SPPL3: variants seen among roughly 807,000 people sequenced by gnomAD.
The protein encoded by SPPL3 is signal peptide peptidase-like 3.
A neutral mutation model predicts 42.4 loss-of-function variants in SPPL3; 5 were observed. The observed-to-expected ratio is 0.12, with a 90% CI of 0.06 to 0.25. The LOEUF (loss-of-function observed/expected upper bound fraction) is 0.25, where lower values mean the gene tolerates loss of function less well. SPPL3 is among the 10% of genes least tolerant of loss of function. The pLI is 1.00. For synonymous variants in SPPL3, 195 were observed against 181.8 expected, an observed-to-expected ratio of 1.07 and a Z score of -0.58; for missense variants, 235 against 489.0, an observed-to-expected ratio of 0.48 and a Z score of 4.90.
chr12:120,881,534 T>C (rs1231872906), intron 1 of SPPL3, among the ~76,000 whole-genome samples: 1 of 139,870 alleles, frequency 7.1e-6, no homozygotes, highest in African/African-American at 2.7e-5. Context: ...CCATACGAGA[T>C]TGAGCAATCC....
intron 1 of SPPL3, among the ~76,000 whole-genome samples, chr12:120,855,937 T>C (rs949418042): frequency 6.6e-6 from 1 of 152,132 alleles, no homozygotes; most frequent in Non-Finnish European, 1.5e-5. Context: ...CTAAATGCAA[T>C]TCTGAAAAGG....
At chr12:120,865,269 C>T (rs1872724260) in intron 1 of SPPL3, among the ~76,000 whole-genome samples, 1 of 152,152 alleles carries the variant, frequency 6.6e-6, no homozygotes, top group Admixed American at 6.6e-5. Context: ...ATATCTGTTA[C>T]CTCACGCTCA....
At chr12:120,829,373 A>T (rs928141151) in intron 1 of SPPL3, among the ~76,000 whole-genome samples, 1 of 152,146 alleles carries the variant, frequency 6.6e-6, no homozygotes, top group African/African-American at 2.4e-5. Flanking sequence ...CGGCAGGCGG[A>T]TCACTTGAGG....
chr12:120,823,271 G>A (rs78680857), intron 1 of SPPL3, among the ~76,000 whole-genome samples: 3,108 of 151,750 alleles, frequency 0.02, 122 homozygotes, highest in African/African-American at 0.071. Flanking sequence ...AAGGAAGAAA[G>A]GCCAGTTCAC....
At chr12:120,817,623 T>C (rs1300584901) in intron 1 of SPPL3, among the ~76,000 whole-genome samples, 2 of 152,174 alleles carry the variant, frequency 1.3e-5, no homozygotes, top group African/African-American at 2.4e-5. Flanking sequence ...TTTTAAAAAA[T>C]GTGGCCAGCC....
chr12:120,835,037 C>T (rs989395989), intron 1 of SPPL3, among the ~76,000 whole-genome samples: 4 of 152,138 alleles, frequency 2.6e-5, no homozygotes, highest in African/African-American at 9.7e-5. Flanking sequence ...CATTTTGAAA[C>T]TCTTCTATGT....
intron 1 of SPPL3, among the ~76,000 whole-genome samples, chr12:120,853,685 A>G (rs1872336738): frequency 6.6e-6 from 1 of 152,154 alleles, no homozygotes; most frequent in Non-Finnish European, 1.5e-5. Flanking sequence ...TTGTTAAAAC[A>G]CAGATCGCTG....
At position 120,885,849 on chromosome 12, in the gene SPPL3, CTTTTT is replaced by C. The variant is rs142907503; in HGVS notation, c.23+17991_23+17995del. Among the ~76,000 whole-genome samples, 31 of 121,590 alleles carry C rather than the reference CTTTTT, an allele frequency of 2.5e-4. No individual in the cohort carries two copies. The East Asian group carries it at 2.6e-3, about 10-fold the overall frequency. 79.8% of individuals were successfully genotyped at this position (121,590 alleles called of 152,430 possible). ...GAGTAAAGTCATTCAAACATTAAAA[CTTTTT>C]TTTTTTTTTTTTTTTTTGAGACAGA... is the stretch of plus-strand genomic sequence containing the variant. On this transcript the variant is annotated intron_variant, in intron 1 of 10. Coordinates refer to ENST00000353487, the MANE Select transcript of SPPL3 (RefSeq NM_139015.5).
chr12:120,877,651 G>T (rs1479274372), intron 1 of SPPL3, among the ~76,000 whole-genome samples: 1 of 151,982 alleles, frequency 6.6e-6, no homozygotes, highest in Non-Finnish European at 1.5e-5. Context: ...TGTGGTGGCA[G>T]GCACCTGGAG....
intron 2 of SPPL3, among the ~76,000 whole-genome samples, 181 bp downstream of exon 2, chr12:120,810,628 C>T (rs1169343634): frequency 1.3e-5 from 2 of 152,134 alleles, no homozygotes; most frequent in South Asian, 2.1e-4. Context: ...CTCATAAGCA[C>T]AATGAAGAAG....
At chr12:120,817,117 GACTCTATGAAAAATTAAAAAAAAAA>G (rs935732963) in intron 1 of SPPL3, among the ~76,000 whole-genome samples, 1 of 150,046 alleles carries the variant, frequency 6.7e-6, no homozygotes, top group Non-Finnish European at 1.5e-5. Context: ...AATGAGATGT[GACTCTATGAAAAATTAAAAAAAAAA>G]AAATCAGCCA....
At chr12:120,835,372 T>C (rs1871577451) in intron 1 of SPPL3, 1 of 152,264 alleles carries the variant, frequency 6.6e-6, no homozygotes, top group Admixed American at 6.5e-5. Flanking sequence ...AAACAGTAGT[T>C]CTTTCGTTAT....
chr12:120,835,177 G>T (rs1202144601), intron 1 of SPPL3, among the ~76,000 whole-genome samples: 2 of 152,142 alleles, frequency 1.3e-5, no homozygotes, highest in African/African-American at 2.4e-5. Context: ...TCCACAGATC[G>T]ACAGTGCATA....
rs1869541007 is a variant in SPPL3, at chr12:120,781,555, G to GTGTTTTTTTTT, written c.502+1099_502+1100insAAAAAAAAACA. On this transcript the variant is annotated intron_variant, in intron 6 of 10. Transcript: ENST00000353487. The stretch of plus-strand genomic sequence containing the variant: ...TCTAATCCCATCTCCTTATTGTTAC[G>GTGTTTTTTTTT]TTTTTTTTTTTTTTTTTTTTTTTTT... Among the ~76,000 whole-genome samples, 113 of 63,010 alleles carry GTGTTTTTTTTT rather than the reference G, an allele frequency of 1.8e-3. 19 individuals are homozygous for GTGTTTTTTTTT. Among genetic ancestry groups the GTGTTTTTTTTT allele is most frequent in the Middle Eastern group, 0.011 (1 of 92 alleles). 41.3% of individuals were successfully genotyped at this position (63,010 alleles called of 152,430 possible). A position where few individuals can be genotyped will look rare whatever the true frequency, so the allele number is the denominator to read the frequency against.
At chr12:120,850,492 T>TAAAAAAAAAA (rs11413210) in intron 1 of SPPL3, among the ~76,000 whole-genome samples, 3 of 119,394 alleles carry the variant, frequency 2.5e-5, no homozygotes, top group Non-Finnish European at 3.5e-5. Flanking sequence ...GACCAGCCTT[T>TAAAAAAAAAA]AAAAAAAAAA....
chr12:120,830,898 T>G (rs1330139015), intron 1 of SPPL3, among the ~76,000 whole-genome samples: 1 of 152,076 alleles, frequency 6.6e-6, no homozygotes, highest in Non-Finnish European at 1.5e-5. Flanking sequence ...CCCAGCTACG[T>G]GGTTATACAT....
intron 2 of SPPL3, 84 bp from the exon 3 acceptor site, chr12:120,791,641 C>T (rs1869919870): frequency 1.8e-5 from 15 of 849,920 alleles, no homozygotes; most frequent in Non-Finnish European, 2.6e-5. Context: ...TTTTTAAATG[C>T]CAAGGAATTA....
intron 3 of SPPL3, among the ~76,000 whole-genome samples, chr12:120,787,915 G>A (rs534450235): frequency 2.4e-4 from 37 of 152,138 alleles, no homozygotes; most frequent in South Asian, 1.0e-3. Flanking sequence ...TCCATTCTAC[G>A]GTTGACATTT....
intron 1 of SPPL3, among the ~76,000 whole-genome samples, chr12:120,847,354 G>GCA (rs1872076258): frequency 6.6e-6 from 1 of 152,064 alleles, no homozygotes; most frequent in Non-Finnish European, 1.5e-5. Flanking sequence ...GTGCAGTGGT[G>GCA]TGATCTTGGC....
Sources: allele counts gnomAD v4.1 joint callset (sites outside exome capture counted in the v4.1 genomes callset), GRCh38; gene constraint gnomAD v4.1.1; transcripts MANE v1.5; gene names NCBI Gene and HGNC (gene_info 2026-07-23, HGNC 2026-07-21).